Variants in TMEM117 observed in about 807,000 individuals in gnomAD.
TMEM117 encodes transmembrane protein 117.
TMEM117 carries 27 observed loss-of-function variants against 52.4 expected under a neutral mutation model. The observed-to-expected ratio is 0.51, with a 90% CI of 0.38 to 0.71. The LOEUF is 0.71. TMEM117 is among the 30% of genes least tolerant of loss of function. TMEM117 has a pLI of 0.00. For missense variants in TMEM117, 556 were observed against 630.5 expected (o/e 0.88, Z 1.26); for synonymous variants, 215 against 206.3 (o/e 1.04, Z -0.36).
chr12:44,392,143 C>A (rs1952164432), downstream of TMEM117, among the ~76,000 whole-genome samples: 2 of 152,238 alleles, frequency 1.3e-5, no homozygotes, highest in South Asian at 2.1e-4. Flanking sequence ...TCCATTTAGA[C>A]TGGCCTAGAA....
At chr12:44,166,552 C>T (rs1037750871) in intron 4 of TMEM117, among the ~76,000 whole-genome samples, 2 of 152,140 alleles carry the variant, frequency 1.3e-5, no homozygotes, top group Non-Finnish European at 1.5e-5. Flanking sequence ...TGAAATTTCA[C>T]ATCAAGTTCA....
intron 6 of TMEM117, among the ~76,000 whole-genome samples, chr12:44,346,786 C>T (rs1951493427): frequency 6.6e-6 from 1 of 152,010 alleles, no homozygotes; most frequent in Admixed American, 6.6e-5. Context: ...GATGAATTTT[C>T]CAGCACAAGG....
At chr12:43,911,828 A>G (rs1944507525) in intron 2 of TMEM117, among the ~76,000 whole-genome samples, 1 of 65,654 alleles carries the variant, frequency 1.5e-5, no homozygotes, top group African/African-American at 3.0e-5. Flanking sequence ...AATGGCAATC[A>G]TTAAAAAGTC....
In TMEM117 at chr12:44,376,631, G is replaced by A. The variant is rs142693361; in HGVS notation, c.805G>A (p.Val269Ile). 24 of 1,609,152 alleles carry A rather than the reference G, an allele frequency of 1.5e-5. 1 individual carries two copies. The highest frequency in any genetic ancestry group is 1.9e-5 in the Non-Finnish European group (22 of 1,178,388). The part of the protein sequence containing the change: ...EFPHFMGDVD[V>I]NLPGLHTPHM... Reference sequence around the variant, plus strand: ...CCCACATTTCATGGGAGATGTTGATGTAAATCTCCCTGGTTTGCACACCCC... The same window carrying A: ...CCCACATTTCATGGGAGATGTTGATATAAATCTCCCTGGTTTGCACACCCC... Residue 269 changes from valine to isoleucine, a missense_variant, in exon 7 of 8, where the codon GTA (valine) becomes ATA (isoleucine). Coordinates refer to ENST00000266534, the MANE Select transcript of TMEM117 (RefSeq NM_032256.3).
chr12:44,319,029 C>G (rs1951096404), intron 6 of TMEM117, among the ~76,000 whole-genome samples: 1 of 152,130 alleles, frequency 6.6e-6, no homozygotes, highest in African/African-American at 2.4e-5. Flanking sequence ...CAGCTTCCCT[C>G]TCACCCTAGA....
chr12:44,061,403 T>A lies in TMEM117; in HGVS notation c.411-82122T>A, dbSNP rs903877219. Among the ~76,000 whole-genome samples, 37 of 152,066 alleles carry A rather than the reference T, an allele frequency of 2.4e-4. 1 individual carries two copies. The highest frequency in any genetic ancestry group is 4.9e-4 in the Non-Finnish European group (33 of 68,020). ...CTATGTTTTATATGGAAGCCAAAAA[T>A]TTTGCTCTCCAAGAAAAATAAGTGA... On this transcript the variant is annotated intron_variant, in intron 3 of 7. Transcript: ENST00000266534.
At chr12:44,076,608 T>G (rs1421656781) in intron 3 of TMEM117, among the ~76,000 whole-genome samples, 1 of 152,182 alleles carries the variant, frequency 6.6e-6, no homozygotes, top group African/African-American at 2.4e-5. Context: ...TACCATAGAT[T>G]TAAATATGGA....
intron 4 of TMEM117, among the ~76,000 whole-genome samples, chr12:44,158,473 G>A (rs979564468): frequency 5.3e-5 from 8 of 152,088 alleles, no homozygotes; most frequent in African/African-American, 1.9e-4. Context: ...AGTGTCTTAT[G>A]GGATTAAGCA....
At chr12:44,032,639 T>C (rs1274153916) in intron 3 of TMEM117, among the ~76,000 whole-genome samples, 1 of 152,224 alleles carries the variant, frequency 6.6e-6, no homozygotes, top group African/African-American at 2.4e-5. Context: ...GTATTCTTGG[T>C]GTAGGAATGA....
chr12:44,194,862 C>T (rs535250115), intron 4 of TMEM117, among the ~76,000 whole-genome samples: 1 of 152,044 alleles, frequency 6.6e-6, no homozygotes, highest in East Asian at 1.9e-4. Flanking sequence ...AAAGAAAGCA[C>T]AAAGAAAAGT....
At chr12:43,912,619 G>T (rs1029915435) in intron 2 of TMEM117, among the ~76,000 whole-genome samples, 1 of 149,324 alleles carries the variant, frequency 6.7e-6, no homozygotes. Context: ...AGAGTGCCTG[G>T]TACATATTAC....
chr12:44,089,504 C>T (rs1226923110), intron 3 of TMEM117, among the ~76,000 whole-genome samples: 1 of 152,118 alleles, frequency 6.6e-6, no homozygotes. Flanking sequence ...ACTTGGTCTC[C>T]TCTTCCCAAA....
intron 3 of TMEM117, among the ~76,000 whole-genome samples, chr12:44,047,963 T>C (rs1385088902): frequency 1.3e-5 from 2 of 152,188 alleles, no homozygotes. Flanking sequence ...TGTTTTCCTG[T>C]TAAATATTTG....
chr12:44,125,031 T>C (rs921593725), intron 3 of TMEM117, among the ~76,000 whole-genome samples: 3 of 152,194 alleles, frequency 2.0e-5, no homozygotes. Context: ...TGTGAATCTG[T>C]CTGTCCTGGG....
chr12:44,373,611 T>G (rs1951895380), intron 6 of TMEM117, among the ~76,000 whole-genome samples: 1 of 152,056 alleles, frequency 6.6e-6, no homozygotes, highest in African/African-American at 2.4e-5. Flanking sequence ...GTGCTAATGT[T>G]ATCTCATCCT....
intron 5 of TMEM117, among the ~76,000 whole-genome samples, chr12:44,226,717 A>T (rs763305995): frequency 3.3e-5 from 5 of 152,102 alleles, no homozygotes; most frequent in Admixed American, 6.6e-5. Context: ...AAATTAGGAT[A>T]CAGACACACA....
At chr12:44,056,015 A>C (rs1301168572) in intron 3 of TMEM117, among the ~76,000 whole-genome samples, 1 of 152,200 alleles carries the variant, frequency 6.6e-6, no homozygotes, top group Non-Finnish European at 1.5e-5. Context: ...AAATTACAAG[A>C]AGTGGAATTA....
chr12:44,087,066 C>G (rs1947583383), intron 3 of TMEM117, among the ~76,000 whole-genome samples: 1 of 148,494 alleles, frequency 6.7e-6, no homozygotes. Context: ...TAGAACCAAG[C>G]CAAAGAGTAT....
chr12:44,326,862 A>C (rs939236668), intron 6 of TMEM117, among the ~76,000 whole-genome samples: 1 of 152,190 alleles, frequency 6.6e-6, no homozygotes, highest in East Asian at 1.9e-4. Flanking sequence ...CCTCCTTTTC[A>C]AACTGTAGAG....
Sources: allele counts gnomAD v4.1 joint callset (sites outside exome capture counted in the v4.1 genomes callset), GRCh38; gene constraint gnomAD v4.1.1; transcripts MANE v1.5; gene names NCBI Gene and HGNC (gene_info 2026-07-23, HGNC 2026-07-21).